FBXW7: variants seen among roughly 807,000 people sequenced by gnomAD.
FBXW7 encodes F-box/WD repeat-containing protein 7.
Under a neutral mutation model 86.3 loss-of-function variants are expected in FBXW7, and 11 were observed. That is an observed-to-expected ratio of 0.13 (90% confidence interval 0.08 to 0.21). FBXW7 has a LOEUF of 0.21. Ranked by LOEUF, FBXW7 falls within the 10% of genes least tolerant of loss-of-function variation. FBXW7 has a pLI of 1.00. For missense variants in FBXW7, 488 were observed against 847.4 expected, an observed-to-expected ratio of 0.58 and a Z score of 5.27; for synonymous variants, 313 against 297.9, an observed-to-expected ratio of 1.05 and a Z score of -0.52.
chr4:152,501,703 C>T (rs1746962732), intron 2 of FBXW7, among the ~76,000 whole-genome samples: 2 of 152,088 alleles, frequency 1.3e-5, no homozygotes, highest in African/African-American at 4.8e-5. Flanking sequence ...GATGAGATCT[C>T]GATAGGTCTC....
intron 4 of FBXW7, among the ~76,000 whole-genome samples, chr4:152,388,365 G>T (rs956522588): frequency 6.6e-6 from 1 of 151,936 alleles, no homozygotes; most frequent in Non-Finnish European, 1.5e-5. Context: ...CTGATAATTG[G>T]ACATTTGCAA....
intron 2 of FBXW7, among the ~76,000 whole-genome samples, chr4:152,420,237 GC>G (rs2126912757): frequency 6.6e-6 from 1 of 152,208 alleles, no homozygotes; most frequent in East Asian, 1.9e-4. Context: ...TCAATAAAAA[GC>G]AACACCTCAG....
At chr4:152,352,399 A>G (rs2126659709) in intron 4 of FBXW7, 1 of 1,589,126 alleles carries the variant, frequency 6.3e-7, no homozygotes, top group African/African-American at 1.3e-5. Flanking sequence ...ATCTCTGATG[A>G]TACAGATTTT....
intron 12 of FBXW7, 27 bp from the exon 13 acceptor site, chr4:152,324,421 A>T: frequency 6.6e-7 from 1 of 1,517,972 alleles, no homozygotes; most frequent in Non-Finnish European, 9.0e-7. Flanking sequence ...TTATTAGAAT[A>T]GAAGTATGGA....
intron 7 of FBXW7, among the ~76,000 whole-genome samples, chr4:152,333,333 G>A (rs1729750938): frequency 1.3e-5 from 2 of 151,950 alleles, no homozygotes; most frequent in Non-Finnish European, 2.9e-5. Context: ...TACTTATAAG[G>A]ATCTTCTTGA....
intron 4 of FBXW7, among the ~76,000 whole-genome samples, chr4:152,373,886 C>A (rs1734234243): frequency 6.6e-6 from 1 of 151,942 alleles, no homozygotes; most frequent in Admixed American, 6.6e-5. Flanking sequence ...GCAAAGAAAA[C>A]CGACAATTAC....
intron 4 of FBXW7, among the ~76,000 whole-genome samples, chr4:152,407,836 C>T (rs538876700): frequency 5.3e-5 from 8 of 152,256 alleles, no homozygotes; most frequent in Admixed American, 2.0e-4. Flanking sequence ...CCCAAAGTAG[C>T]TGGAACCACA....
At chr4:152,397,467 T>C (rs1248808463) in intron 4 of FBXW7, among the ~76,000 whole-genome samples, 1 of 151,696 alleles carries the variant, frequency 6.6e-6, no homozygotes, top group Non-Finnish European at 1.5e-5. Flanking sequence ...GAGGCTAGAG[T>C]ACTGTAGTAC....
chr4:152,430,865 T>A (rs76344747), intron 2 of FBXW7, among the ~76,000 whole-genome samples: 2,083 of 152,294 alleles, frequency 0.014, 26 homozygotes, highest in Middle Eastern at 0.037. Context: ...GCAACTACAT[T>A]ATATTTATTT....
intron 4 of FBXW7, among the ~76,000 whole-genome samples, chr4:152,375,788 A>AT (rs1260173396): frequency 6.6e-6 from 1 of 152,002 alleles, no homozygotes; most frequent in Non-Finnish European, 1.5e-5. Flanking sequence ...AACTGATACA[A>AT]TTTTTTCTGA....
intron 2 of FBXW7, among the ~76,000 whole-genome samples, chr4:152,533,357 A>G (rs1007842408): frequency 6.6e-6 from 1 of 152,168 alleles, no homozygotes; most frequent in Non-Finnish European, 1.5e-5. Context: ...TATTTTGGGT[A>G]CAGTATTTTA....
At chr4:152,399,132 G>A (rs981593849) in intron 4 of FBXW7, among the ~76,000 whole-genome samples, 4 of 152,126 alleles carry the variant, frequency 2.6e-5, no homozygotes, top group African/African-American at 9.7e-5. Context: ...AGAAGCTACA[G>A]GAGGACTCTG....
chr4:152,436,099 G>C (rs1405342376), intron 2 of FBXW7, among the ~76,000 whole-genome samples: 2 of 152,096 alleles, frequency 1.3e-5, no homozygotes, highest in Non-Finnish European at 2.9e-5. Flanking sequence ...TCCTAAAATG[G>C]CCTCTAAGCA....
At chr4:152,496,418 G>A (rs1273907931) in intron 2 of FBXW7, among the ~76,000 whole-genome samples, 2 of 151,774 alleles carry the variant, frequency 1.3e-5, no homozygotes, top group East Asian at 1.9e-4. Context: ...TGGGCCAGGC[G>A]CAGTGGCTCA....
At chr4:152,469,304 T>C (rs1050105118) in intron 2 of FBXW7, among the ~76,000 whole-genome samples, 2 of 152,112 alleles carry the variant, frequency 1.3e-5, no homozygotes, top group African/African-American at 2.4e-5. Context: ...ATAATCACCA[T>C]AGTACACAGG....
chr4:152,471,319 AT>A (rs1276943920), intron 2 of FBXW7, among the ~76,000 whole-genome samples: 1 of 151,702 alleles, frequency 6.6e-6, no homozygotes, highest in East Asian at 1.9e-4. Context: ...AAAAAACTGA[AT>A]TTCATTACAA....
At chr4:152,326,410 A>C (rs1179565041) in intron 11 of FBXW7, among the ~76,000 whole-genome samples, 179 bp from the exon 12 acceptor site, 1 of 151,458 alleles carries the variant, frequency 6.6e-6, no homozygotes, top group African/African-American at 2.4e-5. Flanking sequence ...ATATAAACAT[A>C]ATAAGGGAAT....
At chr4:152,422,754 C>T (rs958530900) in intron 2 of FBXW7, among the ~76,000 whole-genome samples, 1 of 152,136 alleles carries the variant, frequency 6.6e-6, no homozygotes, top group Non-Finnish European at 1.5e-5. Context: ...TCAGTCATAG[C>T]CCCTTCCCTT....
chr4:152,429,117 G>T (rs1739644611), intron 2 of FBXW7, among the ~76,000 whole-genome samples: 1 of 152,308 alleles, frequency 6.6e-6, no homozygotes, highest in South Asian at 2.1e-4. Context: ...TTGAACCTGG[G>T]AGGCGGAGGT....
Sources: gnomAD v4.1 joint callset for allele counts (sites outside exome capture counted in the v4.1 genomes callset) on GRCh38, gnomAD v4.1.1 for gene constraint, MANE v1.5 for transcripts, NCBI Gene and HGNC (gene_info 2026-07-23, HGNC 2026-07-21) for gene names.